Variants in TRAPPC9 observed in about 807,000 individuals in gnomAD.
TRAPPC9 encodes the protein trafficking protein particle complex subunit 9, also known as IKK2 binding protein.
In TRAPPC9, 83 loss-of-function variants were observed where a neutral mutation model predicts 124.0. That is an observed-to-expected ratio of 0.67 (90% CI 0.56 to 0.80). The LOEUF is 0.80. TRAPPC9 is among the 30% of genes least tolerant of loss of function. TRAPPC9 has a pLI of 0.00. For missense variants in TRAPPC9, 1,302 were observed against 1,508.3 expected, an observed-to-expected ratio of 0.86 and a Z score of 2.27; for synonymous variants, 638 against 617.5, an observed-to-expected ratio of 1.03 and a Z score of -0.49.
intron 8 of TRAPPC9, among the ~76,000 whole-genome samples, chr8:140,370,040 C>T (rs2068232819): frequency 6.6e-6 from 1 of 152,128 alleles, no homozygotes; most frequent in Non-Finnish European, 1.5e-5. Flanking sequence ...CAGTTCTTTC[C>T]TGTCTAGAAG....
intron 9 of TRAPPC9, among the ~76,000 whole-genome samples, chr8:140,344,129 A>G (rs1228889060): frequency 6.6e-6 from 1 of 152,134 alleles, no homozygotes; most frequent in Non-Finnish European, 1.5e-5. Context: ...TTCTCATGAT[A>G]GGAGGAGTTC....
At chr8:140,126,252 G>A (rs2061094663) in intron 17 of TRAPPC9, among the ~76,000 whole-genome samples, 2 of 152,134 alleles carry the variant, frequency 1.3e-5, no homozygotes, top group African/African-American at 4.8e-5. Flanking sequence ...GAGATGGCCA[G>A]GGAGGGAGAG....
chr8:140,433,001 A>G (rs948993327), intron 4 of TRAPPC9, among the ~76,000 whole-genome samples: 2 of 151,978 alleles, frequency 1.3e-5, no homozygotes, highest in Admixed American at 1.3e-4. Context: ...ACATTTATTT[A>G]TATATTAAAA....
At chr8:140,090,164 C>T (rs987426760) in intron 17 of TRAPPC9, among the ~76,000 whole-genome samples, 4 of 152,156 alleles carry the variant, frequency 2.6e-5, no homozygotes, top group African/African-American at 4.8e-5. Flanking sequence ...ATGTTGGTCT[C>T]CTCTGGCTAT....
intron 21 of TRAPPC9, among the ~76,000 whole-genome samples, chr8:139,754,041 A>G (rs775617525): frequency 1.3e-5 from 2 of 152,104 alleles, no homozygotes; most frequent in Non-Finnish European, 1.5e-5. Flanking sequence ...TGAACGGACA[A>G]GTGCAAAAAG....
chr8:140,095,290 C>T (rs1471152100), intron 17 of TRAPPC9: 1 of 152,222 alleles, frequency 6.6e-6, no homozygotes, highest in Non-Finnish European at 1.5e-5. Flanking sequence ...ACAGATGGCA[C>T]GTTGACAGTG....
chr8:139,784,612 T>C (rs1452840862), intron 21 of TRAPPC9, among the ~76,000 whole-genome samples: 9 of 32,428 alleles, frequency 2.8e-4, no homozygotes, highest in Admixed American at 1.1e-3. Context: ...GACTGACATA[T>C]ATATATATAT....
At chr8:140,189,914 A>G (rs1020156706) in intron 17 of TRAPPC9, among the ~76,000 whole-genome samples, 1 of 152,202 alleles carries the variant, frequency 6.6e-6, no homozygotes, top group African/African-American at 2.4e-5. Context: ...CAGTCCGGGA[A>G]TAACAGCCAG....
intron 20 of TRAPPC9, among the ~76,000 whole-genome samples, chr8:139,898,282 A>G (rs1239780897): frequency 1.3e-5 from 2 of 152,218 alleles, no homozygotes; most frequent in Non-Finnish European, 2.9e-5. Context: ...CCTGGGCTTC[A>G]GATACTTGTG....
In TRAPPC9 at chr8:139,890,717, C is replaced by G. The variant is rs1024803995; in HGVS notation, c.2965-4748G>C. 2.6e-5 allele frequency among the ~76,000 whole-genome samples: 4 copies of G among 152,238 alleles called. No individual in the cohort carries two copies. In the South Asian group the frequency reaches 6.2e-4, roughly 24 times the overall value. ...GCACCTAGTTCAGGCGATTCAGGCCCCAAGTGAGGTTAGAAAATATCTGTG... is the reference window on the plus strand; with the variant it reads ...GCACCTAGTTCAGGCGATTCAGGCCGCAAGTGAGGTTAGAAAATATCTGTG... On this transcript the variant is annotated intron_variant, in intron 20 of 22. Coordinates refer to ENST00000438773, the MANE Select transcript of TRAPPC9 (RefSeq NM_001160372.4).
chr8:139,771,046 G>A (rs1820925437), intron 21 of TRAPPC9, among the ~76,000 whole-genome samples: 1 of 152,154 alleles, frequency 6.6e-6, no homozygotes, highest in African/African-American at 2.4e-5. Flanking sequence ...ACATGCTGGA[G>A]ACACTGAACT....
chr8:140,339,374 GA>G (rs1251457123), intron 9 of TRAPPC9, among the ~76,000 whole-genome samples: 1 of 152,250 alleles, frequency 6.6e-6, no homozygotes, highest in East Asian at 1.9e-4. Flanking sequence ...TGAAGTGACA[GA>G]AAATACTAAT....
chr8:139,844,569 G>A (rs1351572447), intron 21 of TRAPPC9, among the ~76,000 whole-genome samples: 3 of 152,324 alleles, frequency 2.0e-5, no homozygotes, highest in Middle Eastern at 3.4e-3. Context: ...GGCTGGTCCT[G>A]TCTGGACACA....
intron 21 of TRAPPC9, among the ~76,000 whole-genome samples, chr8:139,830,696 C>T (rs564377033): frequency 6.6e-6 from 1 of 152,264 alleles, no homozygotes; most frequent in East Asian, 1.9e-4. Flanking sequence ...TGCATATACA[C>T]ATGCACACAT....
At chr8:140,448,155 A>G (rs373157303) in intron 2 of TRAPPC9, among the ~76,000 whole-genome samples, 12,654 of 151,190 alleles carry the variant, frequency 0.084, 592 homozygotes, top group African/African-American at 0.1. Flanking sequence ...CAAAAAAAAA[A>G]AAAAAAAAAA....
At chr8:139,932,505 G>A (rs1378899699) in intron 19 of TRAPPC9, 2 of 456,680 alleles carry the variant, frequency 4.4e-6, no homozygotes, top group East Asian at 6.9e-5. Context: ...GCTCACGCCT[G>A]TAATCCCAGC....
intron 18 of TRAPPC9, among the ~76,000 whole-genome samples, chr8:140,003,578 G>C (rs575862583): frequency 2.0e-5 from 3 of 147,636 alleles, no homozygotes; most frequent in Non-Finnish European, 4.4e-5. Context: ...CTCCAGCCTG[G>C]GTGACAGAGT....
intron 9 of TRAPPC9, among the ~76,000 whole-genome samples, chr8:140,313,063 C>T (rs2066342915): frequency 6.6e-6 from 1 of 152,176 alleles, no homozygotes; most frequent in Admixed American, 6.5e-5. Flanking sequence ...CCCAGCCTCC[C>T]TCATTCTTAG....
chr8:140,076,269 CG>C (rs1208097725), intron 17 of TRAPPC9, among the ~76,000 whole-genome samples: 2 of 152,166 alleles, frequency 1.3e-5, no homozygotes, highest in East Asian at 3.9e-4. Context: ...AATGGCACCC[CG>C]GAGAGCCTCG....
Sources: gnomAD v4.1 joint callset for allele counts (sites outside exome capture counted in the v4.1 genomes callset) on GRCh38, gnomAD v4.1.1 for gene constraint, MANE v1.5 for transcripts, NCBI Gene and HGNC (gene_info 2026-07-23, HGNC 2026-07-21) for gene names.